DCAF1: variants seen among roughly 807,000 people sequenced by gnomAD.
DCAF1 encodes the protein DDB1 and CUL4 associated factor 1.
In DCAF1, 15 loss-of-function variants were observed where a neutral mutation model predicts 128.0. The observed-to-expected ratio is 0.12, with a 90% CI of 0.08 to 0.18. The LOEUF (loss-of-function observed/expected upper bound fraction) is 0.18, where lower values mean the gene tolerates loss of function less well. Ranked by LOEUF, DCAF1 falls within the 10% of genes least tolerant of loss-of-function variation. The pLI, the probability that DCAF1 is intolerant of heterozygous loss-of-function variation, is 1.00. For missense variants in DCAF1, 988 were observed against 1,649.5 expected (o/e 0.60, Z 6.95); for synonymous variants, 610 against 603.0 (o/e 1.01, Z -0.17).
Position 51,427,659 on chromosome 3 carries a change from G to A in DCAF1, c.1678-118C>T, listed in dbSNP as rs575301412. 1.6e-5 allele frequency: 7 copies of A among 429,744 alleles called. No homozygotes were observed. The South Asian group carries it at 3.6e-4, about 22-fold the overall frequency. 26.6% of individuals were successfully genotyped at this position (429,744 alleles called of 1,614,324 possible). On this transcript the variant is annotated intron_variant, in intron 12 of 24. Transcript: ENST00000684031. Reference sequence around the variant, plus strand: ...TTTTATTTACTTATTTCAAGACAGGGTCTCACTTTGCTGCCCAGGCTGGAG... The same window carrying A: ...TTTTATTTACTTATTTCAAGACAGGATCTCACTTTGCTGCCCAGGCTGGAG...
chr3:51,459,242 G>A (rs958639880), intron 6 of DCAF1, among the ~76,000 whole-genome samples: 27 of 152,096 alleles, frequency 1.8e-4, no homozygotes, highest in Admixed American at 9.8e-4. Flanking sequence ...CCGATCCCAC[G>A]GAAATACGAA....
At position 51,419,958 on chromosome 3, in the gene DCAF1, C is replaced by T. The variant is rs574953806; in HGVS notation, c.3012G>A (p.Leu1004=). The change falls in exon 15 of 25, where the codon CTG becomes CTA. Residue 1004 remains leucine, a synonymous_variant. Coordinates refer to ENST00000684031, the MANE Select transcript of DCAF1 (RefSeq NM_001387579.1). ...LDRHLPSPPT[L]DSIITEYLRE... is the part of the protein sequence containing the mutation. ...TAAGATACTCTGTGATTATACTGTC[C>T]AGCGTAGGTGGGGAAGGAAGATGTC... 5.0e-6 allele frequency: 8 copies of T among 1,614,020 alleles called. No individual in the cohort carries two copies. The South Asian group carries it at 7.7e-5, about 16-fold the overall frequency.
intron 9 of DCAF1, among the ~76,000 whole-genome samples, chr3:51,436,882 G>T (rs536960619): frequency 2.0e-5 from 3 of 152,248 alleles, no homozygotes; most frequent in Non-Finnish European, 2.9e-5. Context: ...GCAATAAGAT[G>T]AAACTTTGTG....
chr3:51,452,986 A>C (rs1443699342), intron 6 of DCAF1, among the ~76,000 whole-genome samples: 4 of 151,556 alleles, frequency 2.6e-5, no homozygotes, highest in African/African-American at 9.7e-5. Context: ...ATTGCACTCC[A>C]GCCTGGGCAA....
At chr3:51,450,598 T>C (rs1388360657) in intron 6 of DCAF1, among the ~76,000 whole-genome samples, 1 of 152,208 alleles carries the variant, frequency 6.6e-6, no homozygotes. Context: ...GCTAATATCA[T>C]ACTCAACAGT....
At chr3:51,415,582 A>C (rs1305615141) in intron 18 of DCAF1, among the ~76,000 whole-genome samples, 2 of 152,002 alleles carry the variant, frequency 1.3e-5, no homozygotes, top group African/African-American at 4.8e-5. Flanking sequence ...TTGAACTCCC[A>C]ATTTTTTGTT....
In DCAF1 at chr3:51,441,336, G is replaced by T. The variant is rs553576039; in HGVS notation, c.1026+49C>A. The T allele has an allele frequency of 1.2e-5, 18 of 1,545,872 alleles. No homozygotes were observed. The South Asian group carries it at 1.6e-4, about 14-fold the overall frequency. On this transcript the variant is annotated intron_variant, in intron 8 of 24. Coordinates refer to ENST00000684031, the MANE Select transcript of DCAF1 (RefSeq NM_001387579.1). ...TACTACCATAAAATACCACAGAAAT[G>T]AACACAATAATTCCTATGTGTGAAC...
At position 51,398,538 on chromosome 3, in the gene DCAF1, T is replaced by TG. The variant is rs1235326442; in HGVS notation, c.*230dup. ...CCTAGGAAATGGTGGGGGGTGGATGTGGGGGGTGCAGAGTAGGGCCTAGTC... is the reference window on the plus strand; with the variant it reads ...CCTAGGAAATGGTGGGGGGTGGATGTGGGGGGGTGCAGAGTAGGGCCTAGTC... On this transcript the variant is annotated 3_prime_UTR_variant, in exon 25 of 25. Transcript: ENST00000684031. The TG allele has an allele frequency of 2.5e-5, 12 of 480,744 alleles. No individual in the cohort carries two copies. Among genetic ancestry groups the TG allele is most frequent in the Admixed American group, 7.6e-5 (2 of 26,186 alleles). 29.8% of individuals were successfully genotyped at this position (480,744 alleles called of 1,614,324 possible).
intron 1 of DCAF1, among the ~76,000 whole-genome samples, chr3:51,498,312 A>G (rs956289074): frequency 6.6e-6 from 1 of 150,624 alleles, no homozygotes; most frequent in South Asian, 2.1e-4. Flanking sequence ...GTGAGACAAG[A>G]TCGCGCCACT....
At chr3:51,397,815 G>A (rs1346522371), downstream of DCAF1, 3 of 166,838 alleles carry the variant, frequency 1.8e-5, no homozygotes, top group Admixed American at 2.0e-4. Flanking sequence ...ACCCCACTTC[G>A]GTAAAAGAAA....
At chr3:51,428,575 C>T (rs1165780173) in intron 12 of DCAF1, among the ~76,000 whole-genome samples, 3 of 152,128 alleles carry the variant, frequency 2.0e-5, no homozygotes, top group African/African-American at 7.2e-5. Flanking sequence ...TTTTAAAAAA[C>T]ATGCAGCTAC....
chr3:51,412,243 G>T (rs1698497440), intron 23 of DCAF1, 136 bp downstream of exon 23: 3 of 1,179,400 alleles, frequency 2.5e-6, no homozygotes, highest in Non-Finnish European at 2.3e-6. Flanking sequence ...AGTGATCAAG[G>T]GTACATGACA....
intron 14 of DCAF1, 126 bp from the exon 15 acceptor site, chr3:51,421,123 A>C (rs1699352385): frequency 8.8e-7 from 1 of 1,139,820 alleles, no homozygotes; most frequent in Admixed American, 2.8e-5. Flanking sequence ...CTTTTGTAAA[A>C]ACTGCAAGGG....
At chr3:51,405,616 A>G (rs1553626359) in intron 23 of DCAF1, among the ~76,000 whole-genome samples, 1 of 152,202 alleles carries the variant, frequency 6.6e-6, no homozygotes, top group Non-Finnish European at 1.5e-5. Context: ...CTCACCATGC[A>G]TTTTGTCACA....
intron 23 of DCAF1, among the ~76,000 whole-genome samples, chr3:51,406,068 G>A (rs547069842): frequency 1.3e-5 from 2 of 151,920 alleles, no homozygotes; most frequent in East Asian, 3.9e-4. Context: ...AACAGGCCGG[G>A]CGTGGTGGCT....
At chr3:51,438,197 T>C (rs550598797) in intron 9 of DCAF1, 2 of 317,456 alleles carry the variant, frequency 6.3e-6, no homozygotes, top group African/African-American at 2.2e-5. Flanking sequence ...CAGTTTTTCA[T>C]GAAAATCCTT....
At chr3:51,470,789 C>T (rs1448202006) in intron 4 of DCAF1, 140 bp downstream of exon 4, 4 of 496,766 alleles carry the variant, frequency 8.1e-6, no homozygotes, top group Non-Finnish European at 1.4e-5. Flanking sequence ...TTAAAACTTA[C>T]CACAAAAGAC....
chr3:51,396,504 T>G, downstream of DCAF1: 1 of 135,210 alleles, frequency 7.4e-6, no homozygotes. Flanking sequence ...CTGAGAAAAC[T>G]TACTTACTTC....
chr3:51,478,979 T>C (rs1329314852), intron 3 of DCAF1, among the ~76,000 whole-genome samples: 2 of 152,300 alleles, frequency 1.3e-5, no homozygotes, highest in East Asian at 1.9e-4. Context: ...AAGAGATCAC[T>C]GCACAAACAA....
Sources: gnomAD v4.1 joint callset for allele counts (sites outside exome capture counted in the v4.1 genomes callset) on GRCh38, gnomAD v4.1.1 for gene constraint, MANE v1.5 for transcripts, NCBI Gene and HGNC (gene_info 2026-07-23, HGNC 2026-07-21) for gene names.